TTN: variants seen among roughly 807,000 people sequenced by gnomAD.
The protein encoded by TTN is titin, also known as connectin.
A neutral mutation model predicts 3,223.0 loss-of-function variants in TTN; 1,525 were observed. That is an observed-to-expected ratio of 0.47 (90% CI 0.45 to 0.49). The LOEUF is 0.49. TTN is among the 20% of genes least tolerant of loss of function. TTN has a pLI of 0.00. For missense variants in TTN, 40,786 were observed against 43,424.0 expected, an observed-to-expected ratio of 0.94 and a Z score of 5.40; for synonymous variants, 14,094 against 15,161.0, an observed-to-expected ratio of 0.93 and a Z score of 5.17.
chr2:178,677,440 TAGAC>T, intron 146 of TTN, 153 bp from the exon 147 acceptor site: 1 of 700,272 alleles, frequency 1.4e-6, no homozygotes, highest in South Asian at 4.0e-5. Context: ...TAATTTACAA[TAGAC>T]AGATACACAA....
intron 1 of TTN, among the ~76,000 whole-genome samples, chr2:178,806,245 T>G (rs2094313905): frequency 6.6e-6 from 1 of 152,228 alleles, no homozygotes; most frequent in Non-Finnish European, 1.5e-5. Flanking sequence ...ATCTTTGGGA[T>G]GAACAACTTT....
chr2:178,632,840 G>T, intron 234 of TTN, 48 bp from the exon 235 acceptor site: 1 of 1,612,234 alleles, frequency 6.2e-7, no homozygotes, highest in South Asian at 1.1e-5. Flanking sequence ...TTCCATTGAT[G>T]ACCCTTGATC....
At chr2:178,799,753 C>A (rs780238882) in intron 5 of TTN, 22 bp from the exon 6 acceptor site, 12 of 1,614,012 alleles carry the variant, frequency 7.4e-6, no homozygotes, top group Middle Eastern at 1.6e-4. Flanking sequence ...TAAAACAAAG[C>A]CCACGTTGAG....
At chr2:178,663,191 G>C (rs2065080911) in intron 173 of TTN, 75 bp downstream of exon 173, 1 of 1,584,690 alleles carries the variant, frequency 6.3e-7, no homozygotes, top group Admixed American at 1.8e-5. Flanking sequence ...TTATGTAGTA[G>C]GATTTTTAAC....
Position 178,740,007 on chromosome 2 carries a change from C to T in TTN, c.13226G>A (p.Ser4409Asn), listed in dbSNP as rs1350564993. 6.2e-7 allele frequency: 1 copy of T among 1,613,904 alleles called. No homozygotes were observed. The highest frequency in any genetic ancestry group is 2.2e-5 in the East Asian group (1 of 44,858). The change falls in exon 48 of 363, where the codon AGC becomes AAC. Residue 4409 changes from serine (S) to asparagine (N), a missense_variant. Physicochemically the swap from Ser to Asn is conservative, Grantham distance 46. Coordinates refer to ENST00000589042, the MANE Select transcript of TTN (RefSeq NM_001267550.2). ...ICRALQAAVASEQPGLFSEWL... is the reference protein window; with the variant it reads ...ICRALQAAVANEQPGLFSEWL... The stretch of plus-strand genomic sequence containing the variant: ...CTCAGAGAAAAGACCTGGCTGCTCG[C>T]TGGCCACGGCTGCTTGCAAAGCCCG...
In TTN at chr2:178,554,848, C is replaced by T. The variant is rs1665580299; in HGVS notation, c.88594+17G>A. On this transcript the variant is annotated intron_variant, in intron 331 of 362. Coordinates refer to ENST00000589042, the MANE Select transcript of TTN (RefSeq NM_001267550.2). ...TAGGCAAATGTAATATGACAGTGGT[C>T]TGTATTCAGCACCTACCAAGGATCT... is the stretch of plus-strand genomic sequence containing the variant. 1 of 1,613,572 alleles carries T rather than the reference C, an allele frequency of 6.2e-7. No individual in the cohort carries two copies. The highest frequency in any genetic ancestry group is 1.3e-5 in the African/African-American group (1 of 74,998).
intron 349 of TTN, 121 bp from the exon 350 acceptor site, chr2:178,541,705 T>G: frequency 1.5e-6 from 1 of 679,858 alleles, no homozygotes; most frequent in Non-Finnish European, 2.1e-6. Context: ...GGCACATGAC[T>G]ATTTTTCCAA....
rs759238193 is a variant in TTN at position 178,759,097 on chromosome 2, T to G, written c.10190A>C (p.Asp3397Ala). The part of the protein sequence containing the change: ...SRFFRMTQFE[D>A]TYQLEIAEAY... ...TTCGGCAATTTCCAGTTGATAAGTG[T>G]CTTCAAATTGAGTCATTCTAAAGAA... is the stretch of plus-strand genomic sequence containing the variant. Residue 3397 changes from aspartate to alanine, a missense_variant, in exon 44 of 363, where the codon GAC becomes GCC. By Grantham distance (126) the Asp-to-Ala change is moderately radical (BLOSUM62 -2). Transcript: ENST00000589042. 6.2e-7 allele frequency: 1 copy of G among 1,614,052 alleles called. No individual in the cohort carries two copies. Among genetic ancestry groups the G allele is most frequent in the Non-Finnish European group, 8.5e-7 (1 of 1,179,954 alleles).
chr2:178,720,542 C>CT lies in TTN; in HGVS notation c.23219dup (p.Gln7741AlafsTer3). On this transcript the variant is annotated frameshift_variant, in exon 80 of 363. Coordinates refer to ENST00000589042, the MANE Select transcript of TTN (RefSeq NM_001267550.2). LOFTEE classifies it high-confidence loss of function. ...TAAATTTCTTGCTGTTTCTAACCTG[C>CT]TTTCGATCTTTAACCCATACTACTT... 1 of 1,613,462 alleles carries CT rather than the reference C, an allele frequency of 6.2e-7. No homozygotes were observed. Among genetic ancestry groups the CT allele is most frequent in the Non-Finnish European group, 8.5e-7 (1 of 1,179,596 alleles).
At position 178,773,078 on chromosome 2, in the gene TTN, C is replaced by T. The variant is rs144391349; in HGVS notation, c.7855+31G>A. Reference sequence around the variant, plus strand: ...ATTTCTTAAAATAACAATCACTCCTCGTAAGAATTTAGGTTAATAAATATA... The same window carrying T: ...ATTTCTTAAAATAACAATCACTCCTTGTAAGAATTTAGGTTAATAAATATA... On this transcript the variant is annotated intron_variant, in intron 33 of 362. Transcript: ENST00000589042. 813 of 1,612,850 alleles carry T rather than the reference C, an allele frequency of 5.0e-4. 2 individuals carry two copies. The African/African-American group carries it at 9.5e-3, about 19-fold the overall frequency.
rs794729542 is a variant in TTN, at chr2:178,543,595, C to G, written c.96378G>C (p.Trp32126Cys). The part of the protein sequence containing the change: ...EVSRDSVTIT[W>C]EIPTIDGGAP... ...CTCCACCATCAATCGTGGGAATTTC[C>G]CAAGTTATAGTCACAGAATCTCTTG... The change falls in exon 347 of 363, where the codon TGG becomes TGC. Residue 32126 changes from tryptophan to cysteine, a missense_variant. Physicochemically the swap from Trp to Cys is radical, Grantham distance 215. Transcript: ENST00000589042. 2 of 1,606,484 alleles carry G rather than the reference C, an allele frequency of 1.2e-6. No homozygotes were observed. The highest frequency in any genetic ancestry group is 2.7e-5 in the African/African-American group (2 of 75,032).
intron 19 of TTN, 49 bp from the exon 20 acceptor site, chr2:178,782,476 A>G (rs746416674): frequency 8.7e-6 from 14 of 1,613,828 alleles, no homozygotes; most frequent in Admixed American, 5.0e-5. Flanking sequence ...CAATTTGCCA[A>G]TACTGGTGGG....
At position 178,609,674 on chromosome 2, in the gene TTN, C is replaced by T; in HGVS notation, c.51739+10G>A. The T allele has an allele frequency of 6.4e-7, 1 of 1,566,340 alleles. No homozygotes were observed. The highest frequency in any genetic ancestry group is 8.6e-7 in the Non-Finnish European group (1 of 1,157,134). The stretch of plus-strand genomic sequence containing the variant: ...ATGGGAAAGTGGCAACTCCATGAAA[C>T]AAAACTTACCAATGGGATCTACAGC... On this transcript the variant is annotated intron_variant, in intron 272 of 362. Transcript: ENST00000589042.
At position 178,537,087 on chromosome 2, in the gene TTN, A is replaced by G; in HGVS notation, c.100022T>C (p.Leu33341Ser). 1 of 1,613,280 alleles carries G rather than the reference A, an allele frequency of 6.2e-7. No individual in the cohort carries two copies. The highest frequency in any genetic ancestry group is 8.5e-7 in the Non-Finnish European group (1 of 1,179,594). ...CEAKEGAEWQ[L>S]VSSAISVTTC... ...TGTCACTGAGATGGCTGAAGACACC[A>G]ATTGCCATTCAGCCCCCTCCTTGGC... Residue 33341 changes from leucine (L) to serine (S), a missense_variant, in exon 356 of 363, where the codon TTG becomes TCG. By Grantham distance (145) the Leu-to-Ser change is moderately radical. Coordinates refer to ENST00000589042, the MANE Select transcript of TTN (RefSeq NM_001267550.2).
intron 3 of TTN, 88 bp downstream of exon 3, chr2:178,802,050 T>C: frequency 1.3e-6 from 2 of 1,511,080 alleles, no homozygotes; most frequent in Non-Finnish European, 1.8e-6. Context: ...CATCTACCTC[T>C]GCCCATAGCT....
rs1222800053 is a variant in TTN at position 178,573,756 on chromosome 2, G to T, written c.72376C>A (p.Pro24126Thr). ...NVKVLDRPGP[P>T]EGPLAVTEVT... ...TCAGTTACAGCCAAAGGTCCTTCAG[G>T]TGGGCCTGGTCTGTCAAGAACTTTG... is the stretch of plus-strand genomic sequence containing the variant. The change falls in exon 326 of 363, where the codon CCT becomes ACT. Residue 24126 changes from proline (P) to threonine (T), a missense_variant. Coordinates refer to ENST00000589042, the MANE Select transcript of TTN (RefSeq NM_001267550.2). 6.3e-7 allele frequency: 1 copy of T among 1,587,718 alleles called. No individual in the cohort carries two copies. Among genetic ancestry groups the T allele is most frequent in the East Asian group, 2.2e-5 (1 of 44,546 alleles).
intron 3 of TTN, 80 bp from the exon 4 acceptor site, chr2:178,800,762 A>G (rs570883878): frequency 1.4e-6 from 2 of 1,471,814 alleles, no homozygotes; most frequent in South Asian, 1.4e-5. Flanking sequence ...CACAGCTCCA[A>G]TTCCAAAACC....
At position 178,590,555 on chromosome 2, in the gene TTN, C is replaced by A; in HGVS notation, c.61170G>T (p.Leu20390Phe). ...CATCACTGAGAGGCTTTGTCCACAC[C>A]AAATCAGCTGTTTCTCTGCTCTTGT... The part of the protein sequence containing the change: ...LKDKSRETAD[L>F]VWTKPLSDGG... The change falls in exon 304 of 363, where the codon TTG becomes TTT. Residue 20390 changes from leucine to phenylalanine, a missense_variant. Transcript: ENST00000589042. 1 of 1,612,558 alleles carries A rather than the reference C, an allele frequency of 6.2e-7. No individual in the cohort carries two copies. The highest frequency in any genetic ancestry group is 8.5e-7 in the Non-Finnish European group (1 of 1,179,212).
chr2:178,651,630 GT>G (rs760470239), intron 206 of TTN, 35 bp downstream of exon 206: 2 of 1,612,490 alleles, frequency 1.2e-6, no homozygotes, highest in Admixed American at 1.7e-5. Flanking sequence ...TTCAAAGAAA[GT>G]TTTTTGTTAG....
Sources: allele counts gnomAD v4.1 joint callset (sites outside exome capture counted in the v4.1 genomes callset), GRCh38; gene constraint gnomAD v4.1.1; transcripts MANE v1.5; gene names NCBI Gene and HGNC (gene_info 2026-07-23, HGNC 2026-07-21).